ETV6: variants seen among roughly 807,000 people sequenced by gnomAD.
ETV6 encodes ETS variant transcription factor 6, also known as transcription factor ETV6.
In ETV6, 16 loss-of-function variants were observed where a neutral mutation model predicts 51.1. That is an observed-to-expected ratio of 0.31 (90% CI 0.21 to 0.48). ETV6 has a LOEUF of 0.48. ETV6 is among the 20% of genes least tolerant of loss of function. The pLI, the probability that ETV6 is intolerant of heterozygous loss-of-function variation, is 0.99. For missense variants in ETV6, 458 were observed against 594.8 expected (o/e 0.77, Z 2.39); for synonymous variants, 240 against 224.1 (o/e 1.07, Z -0.64).
intron 2 of ETV6, among the ~76,000 whole-genome samples, chr12:11,808,413 AC>A (rs1945861868): frequency 1.3e-5 from 2 of 151,918 alleles, no homozygotes; most frequent in Admixed American, 1.3e-4. Flanking sequence ...CCATCCAGCC[AC>A]AGATAGAAAA....
rs530690053 is a variant in ETV6 at position 11,691,544 on chromosome 12, A to G, written c.33+41384A>G. Among the ~76,000 whole-genome samples the G allele has an allele frequency of 2.0e-5, 3 of 152,388 alleles. No homozygotes were observed. The South Asian group carries it at 6.2e-4, about 32-fold the overall frequency. ...ATAAAAAGTATGTAGCTATATAGAT[A>G]TGTATTTAATTGTTATCACCTTTCA... is the stretch of plus-strand genomic sequence containing the variant. On this transcript the variant is annotated intron_variant, in intron 1 of 7. Transcript: ENST00000396373.
At chr12:11,878,276 T>G (rs78945656) in intron 5 of ETV6, among the ~76,000 whole-genome samples, 1,586 of 152,272 alleles carry the variant, frequency 0.01, 32 homozygotes, top group African/African-American at 0.036. Flanking sequence ...AGGACAATGT[T>G]TTTAAAAGAT....
At chr12:11,822,777 T>A (rs1289907853) in intron 2 of ETV6, among the ~76,000 whole-genome samples, 1 of 152,224 alleles carries the variant, frequency 6.6e-6, no homozygotes, top group Non-Finnish European at 1.5e-5. Flanking sequence ...ATAGAATGTT[T>A]GAGCTTTGCT....
intron 2 of ETV6, among the ~76,000 whole-genome samples, chr12:11,766,999 T>C (rs1945170873): frequency 6.6e-6 from 1 of 152,184 alleles, no homozygotes; most frequent in African/African-American, 2.4e-5. Flanking sequence ...GAAATTGACA[T>C]GATGATGCCT....
intron 2 of ETV6, among the ~76,000 whole-genome samples, chr12:11,822,880 C>T (rs1345346563): frequency 6.6e-6 from 1 of 152,166 alleles, no homozygotes; most frequent in Non-Finnish European, 1.5e-5. Context: ...TTTGCCAAAG[C>T]TCAATAATTC....
Position 11,869,483 on chromosome 12 carries a change from A to G in ETV6, c.523A>G (p.Thr175Ala). ...GGATAATGTGCACCATAACCCTCCC[A>G]CCATTGAACTGTTGCACCGCTCCAG... ...SVDNVHHNPP[T>A]IELLHRSRSP... The change falls in exon 5 of 8, where the codon ACC becomes GCC. Residue 175 changes from threonine to alanine, a missense_variant. Thr to Ala is a moderately conservative substitution (Grantham distance 58). This residue lies in a region of ETV6 where 293 missense variants were observed against 315.7 expected (regional missense o/e 0.93). Coordinates refer to ENST00000396373, the MANE Select transcript of ETV6 (RefSeq NM_001987.5). The surrounding 1 kb of genome is among the most constrained non-coding windows in gnomAD (Gnocchi z 5.0). The G allele has an allele frequency of 6.2e-7, 1 of 1,613,940 alleles. No individual in the cohort carries two copies. The highest frequency in any genetic ancestry group is 2.2e-5 in the East Asian group (1 of 44,866).
chr12:11,752,572 G>C lies in ETV6; in HGVS notation c.156G>C (p.Ala52=), dbSNP rs762064732. ...RMEEDSIRLP[A]HLRLQPIYWS... ...AGGAAGACTCGATCCGCCTGCCTGC[G>C]CACCTGCGTGAGTGTTCGTGACCCG... is the stretch of plus-strand genomic sequence containing the variant. Residue 52 remains alanine (A), a synonymous_variant, in exon 2 of 8, where the codon GCG becomes GCC. Coordinates refer to ENST00000396373, the MANE Select transcript of ETV6 (RefSeq NM_001987.5). The C allele has an allele frequency of 1.9e-6, 3 of 1,611,736 alleles. No homozygotes were observed. In the East Asian group the frequency reaches 6.7e-5, roughly 36 times the overall value.
chr12:11,863,804 A>T (rs1373468427), intron 4 of ETV6, among the ~76,000 whole-genome samples: 2 of 152,254 alleles, frequency 1.3e-5, no homozygotes, highest in African/African-American at 4.8e-5. Context: ...GGCGGCAGGC[A>T]GCAGGCTGAG....
chr12:11,891,610 A>T lies in ETV6; in HGVS notation c.*564A>T. ...TGTTGGGTCTTGGCTGAAAAAAAAA[A>T]ATGCTTTTAAAAAAGATAAAATGAA... On this transcript the variant is annotated 3_prime_UTR_variant, in exon 8 of 8. Coordinates refer to ENST00000396373, the MANE Select transcript of ETV6 (RefSeq NM_001987.5). 1.9e-6 allele frequency: 1 copy of T among 529,464 alleles called. No homozygotes were observed. The allele number at this position is 529,464 out of a possible 1,614,324, so 32.8% of individuals were successfully genotyped here.
chr12:11,667,952 G>A (rs547428189), intron 1 of ETV6, among the ~76,000 whole-genome samples: 5 of 151,888 alleles, frequency 3.3e-5, no homozygotes, highest in South Asian at 4.2e-4. Context: ...CACCCGCTTC[G>A]GCCTCCCAAA....
At chr12:11,739,150 G>C (rs1286694519) in intron 1 of ETV6, among the ~76,000 whole-genome samples, 3 of 152,180 alleles carry the variant, frequency 2.0e-5, no homozygotes, top group African/African-American at 7.2e-5. Context: ...TGAGTGCTAA[G>C]GGGCTCATGG....
At chr12:11,890,894 C>T in intron 7 of ETV6, 47 bp from the exon 8 acceptor site, 1 of 1,453,664 alleles carries the variant, frequency 6.9e-7, no homozygotes, top group African/African-American at 1.4e-5. Context: ...GTGAAGACAG[C>T]TTTAGGAAAA....
chr12:11,818,099 G>A (rs1220730192), intron 2 of ETV6, among the ~76,000 whole-genome samples: 4 of 152,196 alleles, frequency 2.6e-5, no homozygotes, highest in South Asian at 2.1e-4. Flanking sequence ...GGTATGGAAA[G>A]TGCTGGGAAA....
At position 11,791,449 on chromosome 12, in the gene ETV6, C is replaced by T. The variant is rs1040326353; in HGVS notation, c.163+38870C>T. On this transcript the variant is annotated intron_variant, in intron 2 of 7. Coordinates refer to ENST00000396373, the MANE Select transcript of ETV6 (RefSeq NM_001987.5). The stretch of plus-strand genomic sequence containing the variant: ...CTTCTCAGGAGGAAAGCTCTTTGTC[C>T]ATTGAAATTGTTGTCACTATTGATA... 1.9e-4 allele frequency among the ~76,000 whole-genome samples: 29 copies of T among 152,148 alleles called. 1 individual carries two copies. Among genetic ancestry groups the T allele is most frequent in the Admixed American group, 1.6e-3 (25 of 15,272 alleles).
intron 3 of ETV6, among the ~76,000 whole-genome samples, chr12:11,846,336 T>C (rs1946463144): frequency 6.6e-6 from 1 of 152,242 alleles, no homozygotes; most frequent in East Asian, 1.9e-4. Flanking sequence ...ATAATCTACG[T>C]GTAAGGATAT....
chr12:11,798,333 A>C (rs956587495), intron 2 of ETV6, among the ~76,000 whole-genome samples: 1 of 152,176 alleles, frequency 6.6e-6, no homozygotes, highest in Non-Finnish European at 1.5e-5. Flanking sequence ...TAGGAAAGTG[A>C]TGTGCTGAGG....
intron 1 of ETV6, among the ~76,000 whole-genome samples, chr12:11,714,375 T>C (rs571437765): frequency 2.6e-5 from 4 of 152,320 alleles, no homozygotes; most frequent in African/African-American, 9.6e-5. Flanking sequence ...TCCAGTTCTC[T>C]GCACTTTCCA....
At chr12:11,884,653 G>A (rs2136596939) in intron 6 of ETV6, 66 bp downstream of exon 6, 1 of 1,585,716 alleles carries the variant, frequency 6.3e-7, no homozygotes, top group Non-Finnish European at 8.6e-7. Context: ...CCCTGGATTG[G>A]AGGATAATCG....
chr12:11,678,839 A>G (rs930274458), intron 1 of ETV6, among the ~76,000 whole-genome samples: 4 of 152,208 alleles, frequency 2.6e-5, no homozygotes, highest in East Asian at 1.9e-4. Context: ...AGATGTCCCA[A>G]TGTAAGCTGT....
Sources: gnomAD v4.1 joint callset for allele counts (sites outside exome capture counted in the v4.1 genomes callset) on GRCh38, gnomAD v4.1.1 for gene constraint, gnomAD v4.1.1 regional missense constraint, Gnocchi (gnomAD v3.1) non-coding constraint, MANE v1.5 for transcripts, NCBI Gene and HGNC (gene_info 2026-07-23, HGNC 2026-07-21) for gene names.